ENTHD1: variants seen among roughly 807,000 people sequenced by gnomAD.
The protein encoded by ENTHD1 is ENTH domain containing 1.
ENTHD1 carries 23 observed loss-of-function variants against 39.1 expected under a neutral mutation model. The ratio of observed to expected loss-of-function variants is 0.59; its 90% CI spans 0.42 to 0.83. ENTHD1 has a LOEUF of 0.83. Among genes scored for constraint, ENTHD1 ranks in the 40% least tolerant of loss-of-function variants. The pLI, the probability that ENTHD1 is intolerant of heterozygous loss-of-function variation, is 0.00. For synonymous variants in ENTHD1, 230 were observed against 258.2 expected (o/e 0.89, Z 1.05); for missense variants, 624 against 705.4 (o/e 0.88, Z 1.31).
intron 5 of ENTHD1, among the ~76,000 whole-genome samples, chr22:39,794,114 T>G (rs1368044343): frequency 2.0e-5 from 3 of 152,244 alleles, no homozygotes; most frequent in Non-Finnish European, 4.4e-5. Flanking sequence ...TTCCATTTGT[T>G]TGTGTCCTCT....
At chr22:39,841,011 AT>A (rs756002733) in intron 3 of ENTHD1, among the ~76,000 whole-genome samples, 1 of 152,150 alleles carries the variant, frequency 6.6e-6, no homozygotes, top group Non-Finnish European at 1.5e-5. Context: ...AAGTGCTGGG[AT>A]TACAGGTGTG....
chr22:39,769,473 A>G (rs1313438662), intron 5 of ENTHD1, among the ~76,000 whole-genome samples: 1 of 152,146 alleles, frequency 6.6e-6, no homozygotes. Flanking sequence ...ATATTTTTTC[A>G]ATAACTCTTA....
intron 5 of ENTHD1, among the ~76,000 whole-genome samples, chr22:39,813,170 A>G (rs9941927): frequency 0.077 from 11,788 of 152,268 alleles, 505 homozygotes; most frequent in South Asian, 0.13. Context: ...CACCGTTTGT[A>G]CACTTAGAGA....
chr22:39,785,969 G>C (rs2065453847), intron 5 of ENTHD1, among the ~76,000 whole-genome samples: 1 of 152,136 alleles, frequency 6.6e-6, no homozygotes, highest in South Asian at 2.1e-4. Context: ...ACTTTTGGTA[G>C]ATGACCTTCT....
intron 3 of ENTHD1, among the ~76,000 whole-genome samples, chr22:39,847,332 G>A (rs56749758): frequency 1.5e-5 from 2 of 131,530 alleles, no homozygotes. Flanking sequence ...AGAACACATG[G>A]ACACAGGAAG....
At chr22:39,847,525 TAAATAA>T (rs1319212412) in intron 3 of ENTHD1, among the ~76,000 whole-genome samples, 2 of 149,330 alleles carry the variant, frequency 1.3e-5, no homozygotes, top group African/African-American at 2.5e-5. Context: ...ATAATAATAA[TAAATAA>T]AAATAAAAAA....
At chr22:39,749,289 G>A (rs184636033) in intron 6 of ENTHD1, among the ~76,000 whole-genome samples, 125 of 152,278 alleles carry the variant, frequency 8.2e-4, no homozygotes, top group Non-Finnish European at 1.4e-3. Context: ...CAGCAGAACC[G>A]AAATAAGCTA....
intron 4 of ENTHD1, among the ~76,000 whole-genome samples, chr22:39,831,922 C>T (rs991607603): frequency 2.0e-5 from 3 of 151,968 alleles, no homozygotes; most frequent in Non-Finnish European, 2.9e-5. Flanking sequence ...TTTAATTTAC[C>T]GGAATAAATC....
intron 5 of ENTHD1, among the ~76,000 whole-genome samples, chr22:39,788,915 A>G (rs8137883): frequency 0.2 from 29,888 of 152,146 alleles, 3,181 homozygotes; most frequent in African/African-American, 0.24. Flanking sequence ...ATTAAGGTGT[A>G]TACATTGTAT....
intron 5 of ENTHD1, among the ~76,000 whole-genome samples, chr22:39,805,784 G>A (rs1211349480): frequency 2.0e-5 from 3 of 152,244 alleles, no homozygotes; most frequent in African/African-American, 7.2e-5. Context: ...TTCTGCCACA[G>A]GAAATTTAAG....
intron 6 of ENTHD1, among the ~76,000 whole-genome samples, chr22:39,764,517 A>G (rs1311834470): frequency 6.6e-6 from 1 of 152,144 alleles, no homozygotes; most frequent in African/African-American, 2.4e-5. Flanking sequence ...GTTGGTTAGC[A>G]CTATTATATG....
chr22:39,873,992 G>A (rs2066265815), intron 2 of ENTHD1, among the ~76,000 whole-genome samples: 1 of 152,196 alleles, frequency 6.6e-6, no homozygotes. Context: ...CATGGCTAGG[G>A]AGGCCTCACA....
Position 39,765,317 on chromosome 22 carries a change from GTCAAA to G in ENTHD1, c.1120_1124del (p.Phe374ProfsTer23). The G allele has an allele frequency of 6.2e-7, 1 of 1,613,746 alleles. No homozygotes were observed. Among genetic ancestry groups the G allele is most frequent in the Non-Finnish European group, 8.5e-7 (1 of 1,179,916 alleles). ...TGTTGATTACAATCTCCTTCACTCG[GTCAAA>G]TATTTTGAATGAGGGAGAGAGACAG... On this transcript the variant is annotated frameshift_variant, in exon 6 of 7. Coordinates refer to ENST00000325157, the MANE Select transcript of ENTHD1 (RefSeq NM_152512.4). LOFTEE classifies it high-confidence loss of function.
chr22:39,792,517 C>G (rs972682569), intron 5 of ENTHD1, among the ~76,000 whole-genome samples: 1 of 151,304 alleles, frequency 6.6e-6, no homozygotes, highest in African/African-American at 2.4e-5. Context: ...GCCTTATGAT[C>G]AAAAAAATTG....
intron 5 of ENTHD1, among the ~76,000 whole-genome samples, chr22:39,768,144 C>T (rs2065292504): frequency 1.3e-5 from 2 of 152,170 alleles, no homozygotes; most frequent in African/African-American, 4.8e-5. Flanking sequence ...CTTCCATCAG[C>T]CTTCATCCAC....
chr22:39,878,485 A>AT (rs202147222), intron 2 of ENTHD1, among the ~76,000 whole-genome samples: 162 of 148,738 alleles, frequency 1.1e-3, no homozygotes, highest in African/African-American at 3.7e-3. Context: ...ATAAATGGAA[A>AT]TTTTTTTTTC....
At chr22:39,750,911 C>G (rs892145679) in intron 6 of ENTHD1, 1 of 157,730 alleles carries the variant, frequency 6.3e-6, no homozygotes, top group African/African-American at 2.4e-5. Flanking sequence ...AATGAACAAA[C>G]AGCACCCAGG....
At chr22:39,800,476 A>C (rs1169364975) in intron 5 of ENTHD1, among the ~76,000 whole-genome samples, 1 of 152,176 alleles carries the variant, frequency 6.6e-6, no homozygotes, top group Non-Finnish European at 1.5e-5. Context: ...TCTAACCTAC[A>C]CATGCTTTCT....
At chr22:39,825,690 G>T (rs551916853) in intron 4 of ENTHD1, among the ~76,000 whole-genome samples, 1 of 151,586 alleles carries the variant, frequency 6.6e-6, no homozygotes, top group Non-Finnish European at 1.5e-5. Flanking sequence ...ATTTGTCAAA[G>T]TTATAAAGTT....
Sources: allele counts gnomAD v4.1 joint callset (sites outside exome capture counted in the v4.1 genomes callset), GRCh38; gene constraint gnomAD v4.1.1; transcripts MANE v1.5; gene names NCBI Gene and HGNC (gene_info 2026-07-23, HGNC 2026-07-21).